Variants in FAF1 observed in about 807,000 individuals in gnomAD.
The protein encoded by FAF1 is Fas associated factor 1, also known as FAS-associated factor 1.
Under a neutral mutation model 92.5 loss-of-function variants are expected in FAF1, and 25 were observed. The ratio of observed to expected loss-of-function variants is 0.27; its 90% CI spans 0.20 to 0.38. The LOEUF (loss-of-function observed/expected upper bound fraction) is 0.38. FAF1 is among the 10% of genes least tolerant of loss of function. FAF1 has a pLI of 1.00. For synonymous variants in FAF1, 234 were observed against 273.2 expected (o/e 0.86, Z 1.42); for missense variants, 636 against 793.3 (o/e 0.80, Z 2.38).
intron 4 of FAF1, among the ~76,000 whole-genome samples, chr1:50,751,861 ATC>A (rs746406314): frequency 1.3e-5 from 2 of 152,212 alleles, no homozygotes; most frequent in Non-Finnish European, 2.9e-5. Context: ...GCAATGTTTC[ATC>A]TCTCTCTTTT....
intron 14 of FAF1, 55 bp downstream of exon 14, chr1:50,539,537 T>C (rs1648658908): frequency 9.7e-6 from 13 of 1,344,050 alleles, no homozygotes; most frequent in Non-Finnish European, 1.3e-5. Flanking sequence ...GTGGAAAAAC[T>C]ATAAAGTTAT....
intron 6 of FAF1, among the ~76,000 whole-genome samples, chr1:50,720,614 G>A (rs1246392496): frequency 2.0e-5 from 3 of 152,106 alleles, no homozygotes; most frequent in Non-Finnish European, 4.4e-5. Flanking sequence ...ACAAACACAG[G>A]CTTTCTATGA....
At chr1:50,935,935 T>C (rs1384831840) in intron 1 of FAF1, among the ~76,000 whole-genome samples, 1 of 152,180 alleles carries the variant, frequency 6.6e-6, no homozygotes, top group Admixed American at 6.5e-5. Flanking sequence ...GTACTAGTAA[T>C]ACTGAGATGA....
At chr1:50,778,657 T>C (rs1308209197) in intron 4 of FAF1, among the ~76,000 whole-genome samples, 1 of 152,178 alleles carries the variant, frequency 6.6e-6, no homozygotes. Context: ...TGTCTTCATG[T>C]TGAACAAACT....
At chr1:50,598,150 G>A (rs1651918063) in intron 8 of FAF1, among the ~76,000 whole-genome samples, 1 of 152,072 alleles carries the variant, frequency 6.6e-6, no homozygotes, top group Admixed American at 6.6e-5. Flanking sequence ...CAAAAGATTA[G>A]CTGGGTATGG....
At chr1:50,867,826 T>C (rs1204904065) in intron 1 of FAF1, among the ~76,000 whole-genome samples, 2 of 152,196 alleles carry the variant, frequency 1.3e-5, no homozygotes, top group Non-Finnish European at 2.9e-5. Flanking sequence ...ATCCCATTCC[T>C]GGGTACCTAC....
At chr1:50,854,817 C>T (rs1644378375) in intron 2 of FAF1, among the ~76,000 whole-genome samples, 1 of 151,746 alleles carries the variant, frequency 6.6e-6, no homozygotes, top group Non-Finnish European at 1.5e-5. Flanking sequence ...TAGGAAGTTA[C>T]TTTGAGCATC....
chr1:50,845,541 C>T (rs1012611790), intron 2 of FAF1, among the ~76,000 whole-genome samples: 4 of 152,110 alleles, frequency 2.6e-5, no homozygotes, highest in African/African-American at 7.2e-5. Context: ...ACCCCACACT[C>T]TTTGCAAGCC....
chr1:50,951,502 G>C (rs1024250218), intron 1 of FAF1, among the ~76,000 whole-genome samples: 13 of 152,212 alleles, frequency 8.5e-5, no homozygotes, highest in Admixed American at 6.5e-5. Context: ...AGGCAGAGGG[G>C]TGTGAGGTGA....
intron 4 of FAF1, among the ~76,000 whole-genome samples, chr1:50,746,982 G>A (rs577557042): frequency 6.6e-6 from 1 of 152,314 alleles, no homozygotes; most frequent in African/African-American, 2.4e-5. Flanking sequence ...GCCTGCAGGT[G>A]CACAGAATGC....
intron 6 of FAF1, among the ~76,000 whole-genome samples, chr1:50,706,560 G>A (rs146067827): frequency 6.6e-6 from 1 of 151,896 alleles, no homozygotes; most frequent in African/African-American, 2.4e-5. Flanking sequence ...GTAAGTCATG[G>A]TTCTATTTTT....
At chr1:50,453,678 T>C (rs1218447167) in intron 18 of FAF1, among the ~76,000 whole-genome samples, 2 of 152,184 alleles carry the variant, frequency 1.3e-5, no homozygotes, top group African/African-American at 4.8e-5. Flanking sequence ...ACCAAACCTA[T>C]ACCCAAAATT....
rs572276396 is a variant in FAF1 at position 50,920,255 on chromosome 1, T to C, written c.45+39512A>G. On this transcript the variant is annotated intron_variant, in intron 1 of 18. Transcript: ENST00000396153. ...GGCAGAGGGTTGCAGTGAGCCAAGA[T>C]CGCGCCACCACACTCCAGCCTGGGT... Among the ~76,000 whole-genome samples, 326 of 148,020 alleles carry C rather than the reference T, an allele frequency of 2.2e-3. 3 individuals carry two copies. The highest frequency in any genetic ancestry group is 8.1e-3 in the African/African-American group (323 of 39,834).
At chr1:50,609,295 C>T (rs893582573) in intron 8 of FAF1, among the ~76,000 whole-genome samples, 1 of 152,202 alleles carries the variant, frequency 6.6e-6, no homozygotes, top group Non-Finnish European at 1.5e-5. Flanking sequence ...GCCACACCGC[C>T]ATTTCACAGA....
chr1:50,441,640 C>T (rs762184729), intron 18 of FAF1, 117 bp from the exon 19 acceptor site: 42 of 513,660 alleles, frequency 8.2e-5, no homozygotes, highest in Non-Finnish European at 1.3e-4. Flanking sequence ...CGAAGAGTCT[C>T]GCAGTATCTT....
chr1:50,854,182 C>T (rs536280294), intron 2 of FAF1, among the ~76,000 whole-genome samples: 1 of 152,126 alleles, frequency 6.6e-6, no homozygotes, highest in Non-Finnish European at 1.5e-5. Context: ...TCTCCCCTGA[C>T]CCAAATTCTT....
intron 14 of FAF1, among the ~76,000 whole-genome samples, chr1:50,537,558 T>A (rs1428192652): frequency 6.6e-6 from 1 of 152,166 alleles, no homozygotes; most frequent in African/African-American, 2.4e-5. Flanking sequence ...AAAATAGAAA[T>A]ATTTAAAATA....
intron 7 of FAF1, among the ~76,000 whole-genome samples, chr1:50,661,300 C>G (rs550456144): frequency 1.8e-4 from 28 of 152,226 alleles, no homozygotes; most frequent in African/African-American, 6.5e-4. Flanking sequence ...TTTGCCAGAA[C>G]GCTACTGTGA....
intron 6 of FAF1, among the ~76,000 whole-genome samples, chr1:50,710,058 T>C (rs1197796837): frequency 6.6e-6 from 1 of 152,180 alleles, no homozygotes; most frequent in Admixed American, 6.5e-5. Flanking sequence ...TTAACAATGT[T>C]AAAGACCTCC....
Sources: allele counts gnomAD v4.1 joint callset (sites outside exome capture counted in the v4.1 genomes callset), GRCh38; gene constraint gnomAD v4.1.1; transcripts MANE v1.5; gene names NCBI Gene and HGNC (gene_info 2026-07-23, HGNC 2026-07-21).